ENDOV: variants seen among roughly 807,000 people sequenced by gnomAD.
The protein encoded by ENDOV is endonuclease V.
ENDOV carries 37 observed loss-of-function variants against 39.4 expected under a neutral mutation model. The observed-to-expected ratio is 0.94, with a 90% confidence interval of 0.72 to 1.23. The LOEUF (loss-of-function observed/expected upper bound fraction) is 1.23. Ranked by LOEUF, ENDOV falls within the 50% of genes most tolerant of loss-of-function variation. The pLI, the probability that ENDOV is intolerant of heterozygous loss-of-function variation, is 0.00. For synonymous variants in ENDOV, 186 were observed against 163.4 expected (o/e 1.14, Z -1.05); for missense variants, 441 against 375.7 (o/e 1.17, Z -1.44).
At chr17:80,433,362 G>T (rs1186088518) in intron 9 of ENDOV, among the ~76,000 whole-genome samples, 1 of 152,226 alleles carries the variant, frequency 6.6e-6, no homozygotes, top group Non-Finnish European at 1.5e-5. Flanking sequence ...GAGAGGTGAG[G>T]CCCACAAGGC....
chr17:80,415,828 T>TC lies in ENDOV; in HGVS notation c.228+7_228+8insC, dbSNP rs1292525615. The TC allele has an allele frequency of 1.3e-6, 2 of 1,586,926 alleles. No individual in the cohort carries two copies. Among genetic ancestry groups the TC allele is most frequent in the African/African-American group, 2.7e-5 (2 of 74,420 alleles). ...CAGCTTCCCTGAGCTCGAGGTAACC[T>TC]GGGAGGACGCCGAGCTCGAGGCGGG... On this transcript the variant is annotated splice_region_variant and intron_variant, in intron 2 of 9. Transcript: ENST00000518137.
rs1318784221 is a variant in ENDOV at position 80,415,647 on chromosome 17, T to C, written c.57-3T>C. The C allele has an allele frequency of 1.2e-6, 2 of 1,610,756 alleles. No individual in the cohort carries two copies. Among genetic ancestry groups the C allele is most frequent in the Non-Finnish European group, 1.7e-6 (2 of 1,178,388 alleles). ...ACCAAGTTTGACGCTTCTGTCCTCC[T>C]AGGGAGCAAGCTCGGCTGAAGGCCC... is the stretch of plus-strand genomic sequence containing the variant. On this transcript the variant is annotated splice_polypyrimidine_tract_variant and splice_region_variant and intron_variant, in intron 1 of 9. Transcript: ENST00000518137.
At chr17:80,430,052 A>G (rs1473353988) in intron 9 of ENDOV, 2 of 1,535,814 alleles carry the variant, frequency 1.3e-6, no homozygotes, top group Admixed American at 2.0e-5. Context: ...TGGAGCACCC[A>G]GTCCCCAAAG....
intron 2 of ENDOV, chr17:80,420,282 C>A (rs1426486691): frequency 6.6e-6 from 1 of 152,488 alleles, no homozygotes; most frequent in Admixed American, 6.5e-5. Context: ...ATGTAAGCAG[C>A]CACGCCCCTC....
At chr17:80,419,412 C>T in intron 2 of ENDOV, 2 of 602,182 alleles carry the variant, frequency 3.3e-6, no homozygotes, top group Non-Finnish European at 6.0e-6. Flanking sequence ...CTGGTGTGTG[C>T]TGCTCCGCAG....
chr17:80,428,713 A>G (rs2083036161), intron 8 of ENDOV, 53 bp downstream of exon 8: 2 of 1,518,704 alleles, frequency 1.3e-6, no homozygotes, highest in East Asian at 4.9e-5. Context: ...AGACACCTGC[A>G]TGGGCTGTTT....
At chr17:80,422,316 C>A in intron 4 of ENDOV, 71 bp downstream of exon 4, 1 of 1,567,886 alleles carries the variant, frequency 6.4e-7, no homozygotes, top group Non-Finnish European at 8.7e-7. Context: ...CCTCTGTCGT[C>A]CCCCACAGAA....
At chr17:80,424,104 T>C (rs2082396872) in intron 5 of ENDOV, 3 of 383,232 alleles carry the variant, frequency 7.8e-6, no homozygotes, top group African/African-American at 2.1e-5. Context: ...CCCCTGCATC[T>C]TCCTCCTCTG....
intron 9 of ENDOV, chr17:80,430,179 G>C: frequency 6.7e-7 from 1 of 1,491,470 alleles, no homozygotes; most frequent in Admixed American, 2.2e-5. Context: ...TGGTCACGGT[G>C]CCTCAGAGGA....
intron 7 of ENDOV, chr17:80,427,614 G>C (rs1024777545): frequency 1.7e-6 from 2 of 1,162,274 alleles, no homozygotes; most frequent in Non-Finnish European, 2.2e-6. Context: ...GTCCTGCAGG[G>C]CTGGCTCTGT....
intron 9 of ENDOV, chr17:80,430,250 G>A: frequency 2.3e-5 from 34 of 1,473,690 alleles, no homozygotes; most frequent in Middle Eastern, 1.8e-4. Context: ...TCCCGGAGCC[G>A]ACGAAGGGGA....
Position 80,421,868 on chromosome 17 carries a change from C to T in ENDOV, c.269C>T (p.Pro90Leu). The T allele has an allele frequency of 1.2e-6, 2 of 1,605,434 alleles. No individual in the cohort carries two copies. The highest frequency in any genetic ancestry group is 2.2e-5 in the East Asian group (1 of 44,626). Reference protein sequence around the residue: ...EESRMVSLTAPYVSGFLAFRE... With the variant: ...EESRMVSLTALYVSGFLAFRE... ...AGCCGCATGGTCAGCCTCACAGCCCCCTACGTGTCGGGCTTCCTGGCCTTC... is the reference window on the plus strand; with the variant it reads ...AGCCGCATGGTCAGCCTCACAGCCCTCTACGTGTCGGGCTTCCTGGCCTTC... Residue 90 changes from proline to leucine, a missense_variant, in exon 3 of 10, where the codon CCC becomes CTC. Physicochemically the swap from Pro to Leu is moderately conservative, Grantham distance 98 (BLOSUM62 -3). Transcript: ENST00000518137.
chr17:80,433,654 A>G (rs577105554), intron 9 of ENDOV, among the ~76,000 whole-genome samples: 2 of 152,358 alleles, frequency 1.3e-5, no homozygotes, highest in South Asian at 4.1e-4. Context: ...TAGGCTTTGC[A>G]CAAAGAGCAG....
intron 5 of ENDOV, chr17:80,424,323 C>T (rs1240337729): frequency 1.0e-5 from 4 of 399,374 alleles, no homozygotes; most frequent in African/African-American, 2.1e-5. Context: ...AGTCCACCGC[C>T]GCCAGAAATA....
In ENDOV at chr17:80,436,132, G is replaced by A; in HGVS notation, c.839-1G>A. The A allele has an allele frequency of 5.0e-6, 8 of 1,611,296 alleles. No individual in the cohort carries two copies. The highest frequency in any genetic ancestry group is 6.8e-6 in the Non-Finnish European group (8 of 1,179,596). The stretch of plus-strand genomic sequence containing the variant: ...CTCATTGCTCTGGCTGGAACGTCTA[G>A]CACTTTGTTGAACGTGGTGGTGAGA... On this transcript the variant is annotated splice_acceptor_variant, in intron 9 of 9. Coordinates refer to ENST00000518137, the MANE Select transcript of ENDOV (RefSeq NM_173627.5). LOFTEE classifies it high-confidence loss of function.
intron 4 of ENDOV, among the ~76,000 whole-genome samples, chr17:80,422,531 G>C (rs41298720): frequency 6.6e-6 from 1 of 152,228 alleles, no homozygotes; most frequent in African/African-American, 2.4e-5. Context: ...CCACTATCCA[G>C]TTCTGACCTG....
chr17:80,433,319 G>C (rs1412413536), intron 9 of ENDOV, among the ~76,000 whole-genome samples: 1 of 152,238 alleles, frequency 6.6e-6, no homozygotes, highest in East Asian at 1.9e-4. Flanking sequence ...TTGGCACATG[G>C]TGAGTCCTTG....
At chr17:80,426,783 T>C (rs1261396052) in intron 7 of ENDOV, among the ~76,000 whole-genome samples, 1 of 152,242 alleles carries the variant, frequency 6.6e-6, no homozygotes, top group Non-Finnish European at 1.5e-5. Flanking sequence ...CACAGGGACT[T>C]GGATGGCTGT....
chr17:80,430,072 C>G, intron 9 of ENDOV: 6 of 1,535,728 alleles, frequency 3.9e-6, no homozygotes, highest in Non-Finnish European at 4.4e-6. Context: ...GACAGGCTGA[C>G]CGCACCACCC....
Sources: gnomAD v4.1 joint callset for allele counts (sites outside exome capture counted in the v4.1 genomes callset) on GRCh38, gnomAD v4.1.1 for gene constraint, MANE v1.5 for transcripts, NCBI Gene and HGNC (gene_info 2026-07-23, HGNC 2026-07-21) for gene names.